The following EEF1D variants were observed in gnomAD, a reference collection of about 807,000 sequenced individuals.
EEF1D encodes elongation factor 1-delta.
EEF1D carries 47 observed loss-of-function variants against 63.9 expected under a neutral mutation model. The observed-to-expected ratio is 0.74, with a 90% CI of 0.58 to 0.94. The LOEUF is 0.94. EEF1D is among the 40% of genes least tolerant of loss of function. The pLI, the probability that EEF1D is intolerant of heterozygous loss-of-function variation, is 0.00. For missense variants in EEF1D, 907 were observed against 899.0 expected (o/e 1.01, Z -0.11); for synonymous variants, 412 against 386.1 (o/e 1.07, Z -0.79).
intron 3 of EEF1D, chr8:143,587,530 T>G (rs1412874163): frequency 6.6e-6 from 1 of 152,284 alleles, no homozygotes; most frequent in Admixed American, 6.5e-5. Flanking sequence ...GGTTTCACCA[T>G]GTTGGCCAGG....
chr8:143,587,750 A>G (rs1826989010), intron 3 of EEF1D, among the ~76,000 whole-genome samples: 1 of 152,248 alleles, frequency 6.6e-6, no homozygotes, highest in African/African-American at 2.4e-5. Context: ...GCCCGCAGGC[A>G]AATCCAGCCT....
chr8:143,589,331 A>C lies in EEF1D; in HGVS notation c.751T>G (p.Phe251Val), dbSNP rs769417390. 1.3e-6 allele frequency: 2 copies of C among 1,584,774 alleles called. No individual in the cohort carries two copies. The highest frequency in any genetic ancestry group is 3.5e-5 in the Admixed American group (2 of 57,084). Residue 251 changes from phenylalanine (F) to valine (V), a missense_variant, in exon 3 of 10, where the codon TTT becomes GTT. Transcript: ENST00000618139. ...ACCTTCCCTGGGGGATGGCCGTCAA[A>C]CAGGGCCTCGTAGAAGCCCCTCTCG... is the stretch of plus-strand genomic sequence containing the variant. ...AAERGFYEAL[F>V]DGHPPGKVRL...
At chr8:143,584,241 TGAG>T (rs1162492765) in intron 5 of EEF1D, 1 of 152,130 alleles carries the variant, frequency 6.6e-6, no homozygotes, top group Non-Finnish European at 1.5e-5. Flanking sequence ...GGAAGAATTT[TGAG>T]GAGCGTGACA....
chr8:143,587,138 C>T (rs762314513), intron 3 of EEF1D: 4 of 256,610 alleles, frequency 1.6e-5, no homozygotes, highest in South Asian at 9.8e-5. Context: ...AGTGCGGAGG[C>T]AGGTATGAGG....
Position 143,581,116 on chromosome 8 carries a change from C to T in EEF1D, c.1426G>A (p.Ala476Thr), listed in dbSNP as rs551007327. 3.7e-6 allele frequency: 6 copies of T among 1,612,948 alleles called. No homozygotes were observed. The South Asian group carries it at 6.6e-5, about 18-fold the overall frequency. ...ELQQAISKLEARLNVLEKSSP... is the reference protein window; with the variant it reads ...ELQQAISKLETRLNVLEKSSP... The stretch of plus-strand genomic sequence containing the variant: ...CTCTTCTCCAGCACGTTCAGCCGGG[C>T]CTCCAGCTTGGAGATGGCCTGCTGC... The change falls in exon 7 of 10, where the codon GCC becomes ACC. Residue 476 changes from alanine to threonine, a missense_variant. Physicochemically the swap from Ala to Thr is moderately conservative, Grantham distance 58. Transcript: ENST00000618139.
At chr8:143,580,313 C>T in intron 8 of EEF1D, 107 bp from the exon 9 acceptor site, 1 of 1,312,058 alleles carries the variant, frequency 7.6e-7, no homozygotes, top group East Asian at 2.5e-5. Flanking sequence ...ATTCTGTTTC[C>T]TTAAAGGGCC....
At chr8:143,584,963 G>A (rs1397900910) in intron 5 of EEF1D, among the ~76,000 whole-genome samples, 3 of 152,242 alleles carry the variant, frequency 2.0e-5, no homozygotes, top group South Asian at 2.1e-4. Flanking sequence ...AGATGGAGAG[G>A]AATTTTGCCT....
At chr8:143,588,293 C>T (rs1465222731) in intron 3 of EEF1D, among the ~76,000 whole-genome samples, 2 of 152,224 alleles carry the variant, frequency 1.3e-5, no homozygotes, top group Non-Finnish European at 2.9e-5. Flanking sequence ...CCCTCGCCAA[C>T]AGGCCAGCCT....
Position 143,580,844 on chromosome 8 carries a change from G to A in EEF1D, c.1489-117C>T, listed in dbSNP as rs922258107. The stretch of plus-strand genomic sequence containing the variant: ...TGACTGGAGGAAGGGCAGCCCCTGT[G>A]TACCGCAGCTGTGTACATGCAGGGC... On this transcript the variant is annotated intron_variant, in intron 7 of 9. Coordinates refer to ENST00000618139, the MANE Select transcript of EEF1D (RefSeq NM_001130053.5). 5 of 1,290,238 alleles carry A rather than the reference G, an allele frequency of 3.9e-6. No homozygotes were observed. The African/African-American group carries it at 5.8e-5, about 15-fold the overall frequency. 79.9% of individuals were successfully genotyped at this position (1,290,238 alleles called of 1,614,324 possible).
At chr8:143,586,068 G>T in intron 5 of EEF1D, 151 bp downstream of exon 5, 1 of 609,944 alleles carries the variant, frequency 1.6e-6, no homozygotes, top group Non-Finnish European at 2.9e-6. Context: ...CGGGCATGGA[G>T]GTCACAGAGC....
chr8:143,580,431 G>C, intron 8 of EEF1D, 75 bp downstream of exon 8: 1 of 1,523,878 alleles, frequency 6.6e-7, no homozygotes, highest in Non-Finnish European at 9.0e-7. Flanking sequence ...GGCAGGGGGA[G>C]GGTCACAGGC....
chr8:143,586,421 G>C (rs749855959), intron 4 of EEF1D, 131 bp from the exon 5 acceptor site: 1 of 876,276 alleles, frequency 1.1e-6, no homozygotes, highest in South Asian at 2.0e-5. Context: ...ACGAGAGCTT[G>C]GCGGGCCAGA....
In EEF1D at chr8:143,592,644, T is replaced by C; in HGVS notation, c.-1+3A>G. 1 of 985,536 alleles carries C rather than the reference T, an allele frequency of 1.0e-6. No individual in the cohort carries two copies. The highest frequency in any genetic ancestry group is 6.1e-5 in the Admixed American group (1 of 16,284). The allele number at this position is 985,536 out of a possible 1,614,324, so 61.0% of individuals were successfully genotyped here. On this transcript the variant is annotated splice_donor_region_variant and intron_variant, in intron 2 of 9. Transcript: ENST00000618139. ...TGGGGCATGAGGACAGGCGAGTACT[T>C]ACTTTGCTTTGGCCTCCTAGGACAG...
In EEF1D at chr8:143,589,112, T is replaced by C. The variant is rs771787400; in HGVS notation, c.970A>G (p.Ser324Gly). Residue 324 changes from serine to glycine, a missense_variant, in exon 3 of 10, where the codon AGC becomes GGC. Transcript: ENST00000618139. Reference sequence around the variant, plus strand: ...GCAGCGTGGTGGCGGCACTCGGCGCTGTCGTAGGCAGGCTTGCTGAGCCAG... The same window carrying C: ...GCAGCGTGGTGGCGGCACTCGGCGCCGTCGTAGGCAGGCTTGCTGAGCCAG... ...APWLSKPAYD[S>G]AECRHHAAEA... The C allele has an allele frequency of 1.2e-6, 2 of 1,610,446 alleles. No homozygotes were observed. Among genetic ancestry groups the C allele is most frequent in the Non-Finnish European group, 1.7e-6 (2 of 1,179,128 alleles).
intron 3 of EEF1D, 81 bp from the exon 4 acceptor site, chr8:143,586,933 G>C: frequency 6.4e-7 from 1 of 1,572,324 alleles, no homozygotes. Context: ...CCAAGGTGCA[G>C]TGGGGCTGAC....
At chr8:143,588,148 C>T (rs901558827) in intron 3 of EEF1D, among the ~76,000 whole-genome samples, 1 of 152,160 alleles carries the variant, frequency 6.6e-6, no homozygotes, top group Non-Finnish European at 1.5e-5. Context: ...GGGGTCCTGC[C>T]CTCAGGTTAT....
chr8:143,586,909 A>C lies in EEF1D; in HGVS notation c.1092-57T>G, dbSNP rs578032476. The stretch of plus-strand genomic sequence containing the variant: ...CTGGGAAGTGGGCCTCGGCATCAGG[A>C]CAGCCCAGAAGCACCAAGGTGCAGT... On this transcript the variant is annotated intron_variant, in intron 3 of 9. Transcript: ENST00000618139. The C allele has an allele frequency of 1.7e-4, 265 of 1,603,142 alleles. No individual in the cohort carries two copies. The East Asian group carries it at 3.8e-3, about 23-fold the overall frequency.
intron 8 of EEF1D, 86 bp downstream of exon 8, chr8:143,580,420 G>A (rs1297960415): frequency 1.3e-6 from 2 of 1,491,620 alleles, no homozygotes; most frequent in Non-Finnish European, 9.2e-7. Flanking sequence ...AGAACCCAGA[G>A]GGCAGGGGGA....
At chr8:143,588,842 C>T in intron 3 of EEF1D, 149 bp downstream of exon 3, 2 of 1,054,836 alleles carry the variant, frequency 1.9e-6, no homozygotes, top group South Asian at 1.7e-5. Flanking sequence ...ACTCAGCCTG[C>T]TCCTGCATTC....
Sources: gnomAD v4.1 joint callset for allele counts (sites outside exome capture counted in the v4.1 genomes callset) on GRCh38, gnomAD v4.1.1 for gene constraint, MANE v1.5 for transcripts, NCBI Gene and HGNC (gene_info 2026-07-23, HGNC 2026-07-21) for gene names.